GABBR2: variants seen among roughly 807,000 people sequenced by gnomAD.
GABBR2 encodes the protein gamma-aminobutyric acid type B receptor subunit 2, also known as G-protein coupled receptor 51.
A neutral mutation model predicts 105.6 loss-of-function variants in GABBR2; 23 were observed. That is an observed-to-expected ratio of 0.22 (90% CI 0.16 to 0.31). The LOEUF (loss-of-function observed/expected upper bound fraction) is 0.31. Ranked by LOEUF, GABBR2 falls within the 10% of genes least tolerant of loss-of-function variation. The probability of loss-of-function intolerance (pLI) is 1.00; values close to 1 mark genes in which losing one functional copy is unlikely to be tolerated. For synonymous variants in GABBR2, 478 were observed against 499.7 expected, an observed-to-expected ratio of 0.96 and a Z score of 0.58; for missense variants, 734 against 1,245.5, an observed-to-expected ratio of 0.59 and a Z score of 6.18.
intron 9 of GABBR2, among the ~76,000 whole-genome samples, chr9:98,392,598 T>C (rs1484607485): frequency 6.6e-6 from 1 of 152,166 alleles, no homozygotes; most frequent in Non-Finnish European, 1.5e-5. Context: ...AGTGGAAATA[T>C]AGGAACATGA....
chr9:98,292,259 G>A (rs1830313929), intron 18 of GABBR2, among the ~76,000 whole-genome samples: 1 of 152,160 alleles, frequency 6.6e-6, no homozygotes, highest in African/African-American at 2.4e-5. Context: ...ACACCCAATA[G>A]GCAAAAGAAA....
intron 6 of GABBR2, among the ~76,000 whole-genome samples, chr9:98,468,304 T>A (rs1826601240): frequency 6.6e-6 from 1 of 152,168 alleles, no homozygotes; most frequent in African/African-American, 2.4e-5. Context: ...GGAGAATGCA[T>A]CCAGGAGGTG....
intron 11 of GABBR2, among the ~76,000 whole-genome samples, chr9:98,375,696 T>C (rs1172554624): frequency 6.6e-6 from 1 of 152,040 alleles, no homozygotes; most frequent in East Asian, 1.9e-4. Flanking sequence ...GTCTGACAGG[T>C]AGTGAGCTCC....
intron 7 of GABBR2, among the ~76,000 whole-genome samples, chr9:98,436,962 T>C (rs765114790): frequency 5.3e-5 from 8 of 152,114 alleles, no homozygotes; most frequent in Non-Finnish European, 7.4e-5. Context: ...ACAGCAGAAA[T>C]GCCCTAAGAA....
intron 1 of GABBR2, among the ~76,000 whole-genome samples, chr9:98,597,088 A>T (rs1356469162): frequency 1.3e-5 from 2 of 152,176 alleles, no homozygotes; most frequent in African/African-American, 2.4e-5. Flanking sequence ...AAGGGATCCC[A>T]GGGGTTGTCT....
intron 3 of GABBR2, among the ~76,000 whole-genome samples, chr9:98,540,914 G>C (rs1828281344): frequency 6.6e-6 from 1 of 152,212 alleles, no homozygotes; most frequent in African/African-American, 2.4e-5. Flanking sequence ...TGTGAAAATG[G>C]GAATTTTCAA....
chr9:98,592,503 G>A (rs1829160580), intron 1 of GABBR2, among the ~76,000 whole-genome samples: 1 of 152,178 alleles, frequency 6.6e-6, no homozygotes, highest in Non-Finnish European at 1.5e-5. Context: ...GGAAAGACAG[G>A]TTCAGGGAGC....
intron 11 of GABBR2, among the ~76,000 whole-genome samples, chr9:98,381,379 G>A (rs1186416696): frequency 1.3e-5 from 2 of 152,244 alleles, no homozygotes; most frequent in African/African-American, 4.8e-5. Context: ...CTCGGTGGGA[G>A]TTTGCTGGGA....
At chr9:98,443,003 G>A (rs1411688667) in intron 7 of GABBR2, among the ~76,000 whole-genome samples, 1 of 152,214 alleles carries the variant, frequency 6.6e-6, no homozygotes, top group Non-Finnish European at 1.5e-5. Flanking sequence ...CTGAGCTACT[G>A]TGGGTTGCAG....
At chr9:98,296,743 A>G (rs754946363) in intron 17 of GABBR2, among the ~76,000 whole-genome samples, 38 of 152,196 alleles carry the variant, frequency 2.5e-4, no homozygotes, top group Admixed American at 5.2e-4. Flanking sequence ...ACTAATTGGT[A>G]TATAATTATA....
chr9:98,399,556 A>C (rs1011556300), intron 8 of GABBR2, among the ~76,000 whole-genome samples: 1 of 152,084 alleles, frequency 6.6e-6, no homozygotes, highest in Non-Finnish European at 1.5e-5. Flanking sequence ...CAAGGATTGC[A>C]TCTTACCCTA....
At chr9:98,360,291 G>A (rs963034503) in intron 13 of GABBR2, among the ~76,000 whole-genome samples, 7 of 152,294 alleles carry the variant, frequency 4.6e-5, no homozygotes, top group South Asian at 2.1e-4. Context: ...AGAAACCAAC[G>A]GCTTGGTGCT....
chr9:98,356,668 C>CA (rs1212987474), intron 13 of GABBR2, among the ~76,000 whole-genome samples: 2 of 152,134 alleles, frequency 1.3e-5, no homozygotes, highest in Non-Finnish European at 2.9e-5. Context: ...GGTATTTATC[C>CA]AAATGAATTG....
chr9:98,469,665 C>T (rs1159099849), intron 6 of GABBR2, among the ~76,000 whole-genome samples: 2 of 152,194 alleles, frequency 1.3e-5, no homozygotes, highest in Non-Finnish European at 2.9e-5. Context: ...CTTTTCCAAA[C>T]AAGGTCACAC....
Position 98,577,057 on chromosome 9 carries a change from TGGAC to T in GABBR2, c.459+874_459+877del, listed in dbSNP as rs1427770440. ...ATGGATGGATAGGTGGATGGATGGA[TGGAC>T]AGATGGATGGATGGATAGGTGAATG... On this transcript the variant is annotated intron_variant, in intron 2 of 18. Transcript: ENST00000259455. Among the ~76,000 whole-genome samples the T allele has an allele frequency of 1.9e-4, 25 of 132,328 alleles. 1 individual carries two copies. The East Asian group carries it at 5.3e-3, about 28-fold the overall frequency. 86.8% of individuals were successfully genotyped at this position (132,328 alleles called of 152,430 possible). A position where few individuals can be genotyped will look rare whatever the true frequency, so the allele number is the denominator to read the frequency against.
At chr9:98,638,921 G>A (rs925915961) in intron 1 of GABBR2, among the ~76,000 whole-genome samples, 1 of 152,196 alleles carries the variant, frequency 6.6e-6, no homozygotes, top group Non-Finnish European at 1.5e-5. Context: ...GTAGTTAGGA[G>A]GTATATAAGC....
chr9:98,525,038 T>C (rs964377639), intron 3 of GABBR2, among the ~76,000 whole-genome samples: 1 of 152,194 alleles, frequency 6.6e-6, no homozygotes, highest in Non-Finnish European at 1.5e-5. Flanking sequence ...AGATCAGGGA[T>C]TGTATCTGAC....
chr9:98,395,746 G>A (rs367603487), intron 8 of GABBR2, among the ~76,000 whole-genome samples: 6 of 152,200 alleles, frequency 3.9e-5, no homozygotes, highest in East Asian at 3.9e-4. Context: ...GGATACCAGC[G>A]AACATGGATG....
chr9:98,354,610 T>C (rs982158047), intron 13 of GABBR2, among the ~76,000 whole-genome samples: 3 of 152,252 alleles, frequency 2.0e-5, no homozygotes, highest in Admixed American at 6.5e-5. Context: ...TTAAATCTCA[T>C]GAACCAGCCT....
Sources: allele counts gnomAD v4.1 joint callset (sites outside exome capture counted in the v4.1 genomes callset), GRCh38; gene constraint gnomAD v4.1.1; transcripts MANE v1.5; gene names NCBI Gene and HGNC (gene_info 2026-07-23, HGNC 2026-07-21).